SLC6A6: variants seen among roughly 807,000 people sequenced by gnomAD.
The protein encoded by SLC6A6 is solute carrier family 6 member 6.
Under a neutral mutation model 68.8 loss-of-function variants are expected in SLC6A6, and 16 were observed. That is an observed-to-expected ratio of 0.23 (90% CI 0.16 to 0.35). The LOEUF (loss-of-function observed/expected upper bound fraction) is 0.35. Among genes scored for constraint, SLC6A6 ranks in the 10% least tolerant of loss-of-function variants. SLC6A6 has a pLI of 1.00. For missense variants in SLC6A6, 474 were observed against 802.8 expected (o/e 0.59, Z 4.95); for synonymous variants, 312 against 315.4 (o/e 0.99, Z 0.12).
At position 14,467,930 on chromosome 3, in the gene SLC6A6, C is replaced by T; in HGVS notation, c.945C>T (p.Tyr315=). 1 of 1,613,566 alleles carries T rather than the reference C, an allele frequency of 6.2e-7. No individual in the cohort carries two copies. The highest frequency in any genetic ancestry group is 8.5e-7 in the Non-Finnish European group (1 of 1,179,526). ...GGGCTATGACCTCGCTGGGGAGCTA[C>T]AACAAGTACAAGTATAACTCGTACA... ...CLGAMTSLGS[Y]NKYKYNSYRD... The change falls in exon 8 of 15, where the codon TAC becomes TAT. Residue 315 remains tyrosine (Y), a synonymous_variant. Coordinates refer to ENST00000622186, the MANE Select transcript of SLC6A6 (RefSeq NM_003043.6).
chr3:14,463,701 T>C (rs1700549351), intron 6 of SLC6A6, among the ~76,000 whole-genome samples: 1 of 152,166 alleles, frequency 6.6e-6, no homozygotes, highest in Admixed American at 6.5e-5. Context: ...GGCTTCCTGA[T>C]GTGCCCCCGC....
At chr3:14,471,356 T>C (rs1053983391) in intron 9 of SLC6A6, among the ~76,000 whole-genome samples, 2 of 152,202 alleles carry the variant, frequency 1.3e-5, no homozygotes, top group African/African-American at 4.8e-5. Flanking sequence ...CCTCAGGTTC[T>C]ATCCAAGTCC....
chr3:14,425,926 A>C (rs1184067946), intron 2 of SLC6A6, among the ~76,000 whole-genome samples: 4 of 146,506 alleles, frequency 2.7e-5, no homozygotes, highest in African/African-American at 1.0e-4. Context: ...GGTATGCATG[A>C]CTCTCACCAA....
chr3:14,447,496 A>T (rs1700152581), intron 4 of SLC6A6, 86 bp from the exon 5 acceptor site: 28 of 1,560,148 alleles, frequency 1.8e-5, no homozygotes, highest in Non-Finnish European at 2.4e-5. Context: ...GGGCCTGGGG[A>T]TACCATGGCC....
intron 6 of SLC6A6, among the ~76,000 whole-genome samples, chr3:14,465,699 T>A (rs1225055225): frequency 6.6e-6 from 1 of 152,188 alleles, no homozygotes; most frequent in African/African-American, 2.4e-5. Flanking sequence ...TCCCTAACCA[T>A]AGGAATCATA....
Position 14,472,353 on chromosome 3 carries a change from T to A in SLC6A6, c.1209+36T>A. The A allele has an allele frequency of 2.3e-6, 3 of 1,281,746 alleles. No homozygotes were observed. Among genetic ancestry groups the A allele is most frequent in the Non-Finnish European group, 3.4e-6 (3 of 877,710 alleles). 79.4% of individuals were successfully genotyped at this position (1,281,746 alleles called of 1,614,324 possible). ...GGGATGGCCCTGGGGCGACTGCCCC[T>A]GTGGGGAACCTGACTCTGGGAAAGA... On this transcript the variant is annotated intron_variant, in intron 10 of 14. Transcript: ENST00000622186. This position sits in a 1 kb window ranked among gnomAD's most constrained non-coding sequence, Gnocchi z 4.5.
intron 5 of SLC6A6, among the ~76,000 whole-genome samples, chr3:14,456,879 G>C (rs907543042): frequency 1.3e-5 from 2 of 152,226 alleles, no homozygotes; most frequent in African/African-American, 4.8e-5. Flanking sequence ...CCTGTCTCTT[G>C]TGGCCAGCAG....
At chr3:14,444,501 A>AC (rs1472008321) in intron 3 of SLC6A6, among the ~76,000 whole-genome samples, 5 of 147,810 alleles carry the variant, frequency 3.4e-5, no homozygotes, top group African/African-American at 1.2e-4. Context: ...GAACCCTCTG[A>AC]CAGGTCTTCT....
intron 9 of SLC6A6, among the ~76,000 whole-genome samples, chr3:14,470,796 A>G (rs1444987980): frequency 1.3e-5 from 2 of 151,850 alleles, no homozygotes; most frequent in African/African-American, 2.4e-5. Flanking sequence ...TGGGGTCCAT[A>G]TTTTTCTGAA....
rs55719538 is a variant in SLC6A6 at position 14,468,379 on chromosome 3, C to CA, written c.1096+170dup. On this transcript the variant is annotated intron_variant, in intron 9 of 14. Transcript: ENST00000622186. This position sits in a 1 kb window ranked among gnomAD's most constrained non-coding sequence, Gnocchi z 4.5. ...GATATCCCCCAAATTTCAAAGAGTA[C>CA]AAAGCCAAATTTTAAACATTTGTAT... 1 allele frequency among the ~76,000 whole-genome samples: 148,381 copies of CA among 148,386 alleles called. 74,188 individuals carry two copies. The highest frequency in any genetic ancestry group is 1 in the Middle Eastern group (290 of 290).
chr3:14,417,627 G>A (rs1264439126), intron 2 of SLC6A6, among the ~76,000 whole-genome samples: 6 of 152,044 alleles, frequency 3.9e-5, no homozygotes, highest in Non-Finnish European at 7.4e-5. Context: ...AGCTACTCGG[G>A]AGGCTGAGGC....
At chr3:14,440,916 C>T (rs144719155) in intron 2 of SLC6A6, among the ~76,000 whole-genome samples, 1 of 152,270 alleles carries the variant, frequency 6.6e-6, no homozygotes, top group Non-Finnish European at 1.5e-5. Context: ...GGTCCCCACT[C>T]TGCCCTGTTG....
In SLC6A6 at chr3:14,485,029, C is replaced by T. The variant is rs775573493; in HGVS notation, c.*22C>T. 16 of 1,589,352 alleles carry T rather than the reference C, an allele frequency of 1.0e-5. No individual in the cohort carries two copies. Among genetic ancestry groups the T allele is most frequent in the East Asian group, 4.5e-5 (2 of 44,054 alleles). ...GTGAGCTCTCTCGGGTCGACGGGGC[C>T]GGCGGCTTTCCTGCTGTTTACTAAC... On this transcript the variant is annotated 3_prime_UTR_variant, in exon 15 of 15. Coordinates refer to ENST00000622186, the MANE Select transcript of SLC6A6 (RefSeq NM_003043.6).
In SLC6A6 at chr3:14,447,645, C is replaced by T. The variant is rs1398641041; in HGVS notation, c.428C>T (p.Ala143Val). Residue 143 changes from alanine to valine, a missense_variant, in exon 5 of 15, where the codon GCC (alanine) becomes GTC (valine). By Grantham distance (64) the Ala-to-Val change is moderately conservative. Transcript: ENST00000622186. ...AATGTCTACTACATCGTCATCCTGGCCTGGGCCACATACTACCTGTTCCAG... is the reference window on the plus strand; with the variant it reads ...AATGTCTACTACATCGTCATCCTGGTCTGGGCCACATACTACCTGTTCCAG... ...LLNVYYIVIL[A>V]WATYYLFQSF... is the part of the protein sequence containing the mutation. 2.5e-6 allele frequency: 4 copies of T among 1,614,140 alleles called. No homozygotes were observed. The Admixed American group carries it at 6.7e-5, about 27-fold the overall frequency.
In SLC6A6 at chr3:14,487,748, T is replaced by A. The variant is rs940106272; in HGVS notation, c.*2741T>A. 6.6e-6 allele frequency: 1 copy of A among 152,154 alleles called. No individual in the cohort carries two copies. The highest frequency in any genetic ancestry group is 2.4e-5 in the African/African-American group (1 of 41,426). 9.4% of individuals were successfully genotyped at this position (152,154 alleles called of 1,614,324 possible). A position where few individuals can be genotyped will look rare whatever the true frequency, so the allele number is the denominator to read the frequency against. On this transcript the variant is annotated 3_prime_UTR_variant, in exon 15 of 15. Transcript: ENST00000622186. Reference sequence around the variant, plus strand: ...TTGTTGTAAATGAGGTAACTGAGGCTCAGGGAGGCACTGTGAGCCAGGAAT... The same window carrying A: ...TTGTTGTAAATGAGGTAACTGAGGCACAGGGAGGCACTGTGAGCCAGGAAT...
chr3:14,427,375 G>A (rs1574920378), intron 2 of SLC6A6, among the ~76,000 whole-genome samples: 1 of 152,330 alleles, frequency 6.6e-6, no homozygotes, highest in East Asian at 1.9e-4. Flanking sequence ...TTTTACAGGT[G>A]AGGAAACCGA....
intron 1 of SLC6A6, among the ~76,000 whole-genome samples, chr3:14,408,996 GAC>G (rs1699173866): frequency 6.6e-6 from 1 of 152,150 alleles, no homozygotes; most frequent in Admixed American, 6.5e-5. Flanking sequence ...TTTTAGTAGA[GAC>G]AGAGTTTCAC....
chr3:14,445,193 C>T (rs948058963), intron 3 of SLC6A6, among the ~76,000 whole-genome samples: 4 of 151,982 alleles, frequency 2.6e-5, no homozygotes, highest in Admixed American at 6.6e-5. Flanking sequence ...GAGGCCAAGG[C>T]GGGCGGATCA....
Position 14,402,947 on chromosome 3 carries a change from C to T in SLC6A6, c.-54+100C>T, listed in dbSNP as rs1165410720. On this transcript the variant is annotated intron_variant, in intron 1 of 14. Coordinates refer to ENST00000622186, the MANE Select transcript of SLC6A6 (RefSeq NM_003043.6). This position sits in a 1 kb window ranked among gnomAD's most constrained non-coding sequence, Gnocchi z 4.8. ...GCCGCAGTCCCGGCCTCCTCCCCTCCGCGTGCGCCCATCCGGCGCCCCTTT... is the reference window on the plus strand; with the variant it reads ...GCCGCAGTCCCGGCCTCCTCCCCTCTGCGTGCGCCCATCCGGCGCCCCTTT... The T allele has an allele frequency of 1.0e-5, 4 of 383,542 alleles. No individual in the cohort carries two copies. Among genetic ancestry groups the T allele is most frequent in the African/African-American group, 4.2e-5 (2 of 47,984 alleles). The allele number at this position is 383,542 out of a possible 1,614,324, so 23.8% of individuals were successfully genotyped here.
Sources: allele counts gnomAD v4.1 joint callset (sites outside exome capture counted in the v4.1 genomes callset), GRCh38; gene constraint gnomAD v4.1.1; non-coding constraint Gnocchi (gnomAD v3.1); transcripts MANE v1.5; gene names NCBI Gene and HGNC (gene_info 2026-07-23, HGNC 2026-07-21).